KIR3DL3: variants seen among roughly 807,000 people sequenced by gnomAD.
KIR3DL3 encodes killer cell immunoglobulin like receptor, three Ig domains and long cytoplasmic tail 3, also known as killer cell immunoglobulin-like receptor 3DL3.
In KIR3DL3, 27 loss-of-function variants were observed where a neutral mutation model predicts 34.9. The observed-to-expected ratio is 0.77, with a 90% CI of 0.57 to 1.07. KIR3DL3 has a LOEUF of 1.07. KIR3DL3 is among the 50% of genes least tolerant of loss of function. The pLI is 0.00. For synonymous variants in KIR3DL3, 217 were observed against 200.2 expected (o/e 1.08, Z -0.71); for missense variants, 681 against 528.5 (o/e 1.29, Z -2.83).
chr19:54,732,266 T>TTTTGTTTGTTTG (rs2068897137), intron 5 of KIR3DL3, among the ~76,000 whole-genome samples: 1 of 150,982 alleles, frequency 6.6e-6, no homozygotes, highest in African/African-American at 2.4e-5. Flanking sequence ...TTCTTTTTTT[T>TTTTGTTTGTTTG]TTTGAGTAGA....
intron 3 of KIR3DL3, 138 bp downstream of exon 3, chr19:54,726,475 G>A (rs2068200494): frequency 8.7e-6 from 10 of 1,148,936 alleles, no homozygotes; most frequent in Non-Finnish European, 1.1e-5. Flanking sequence ...CAGAGAAATA[G>A]TTGCTGTGGT....
chr19:54,729,598 A>G lies in KIR3DL3; in HGVS notation c.761A>G (p.His254Arg), dbSNP rs1399099952. The part of the protein sequence containing the change: ...CSSRSLFDIY[H>R]LSREAEAGEL... ...TCCCGGAGCTTGTTTGACATTTACC[A>G]TCTATCCAGGGAGGCGGAGGCCGGT... The change falls in exon 5 of 8, where the codon CAT (histidine) becomes CGT (arginine). Residue 254 changes from histidine (H) to arginine (R), a missense_variant. Transcript: ENST00000291860. 1.2e-6 allele frequency: 2 copies of G among 1,605,604 alleles called. No individual in the cohort carries two copies. Among genetic ancestry groups the G allele is most frequent in the South Asian group, 1.1e-5 (1 of 90,546 alleles).
In KIR3DL3 at chr19:54,727,677, T is replaced by C; in HGVS notation, c.422T>C (p.Ile141Thr). Residue 141 changes from isoleucine to threonine, a missense_variant, in exon 4 of 8, where the codon ATC becomes ACC. Physicochemically the swap from Ile to Thr is moderately conservative, Grantham distance 89. Transcript: ENST00000291860. ...CTGGTGAAATCAGGAGAGACGGTCA[T>C]CCTGCAATGTTGGTCAGATGTCAGG... ...GPLVKSGETV[I>T]LQCWSDVRFE... 2.5e-6 allele frequency: 4 copies of C among 1,612,412 alleles called. No homozygotes were observed. In the South Asian group the frequency reaches 4.4e-5, roughly 18 times the overall value.
chr19:54,733,799 A>G (rs936410023), intron 5 of KIR3DL3, among the ~76,000 whole-genome samples: 8 of 152,080 alleles, frequency 5.3e-5, no homozygotes, highest in East Asian at 1.9e-4. Flanking sequence ...AAATCCCCCA[A>G]TTCATCTCTA....
chr19:54,730,348 G>C (rs1478333082), intron 5 of KIR3DL3, among the ~76,000 whole-genome samples: 5 of 149,588 alleles, frequency 3.3e-5, no homozygotes, highest in Middle Eastern at 6.8e-3. Context: ...GAGATCAGGG[G>C]CTCAAGACCA....
At position 54,735,794 on chromosome 19, in the gene KIR3DL3, G is replaced by A. The variant is rs1372915613; in HGVS notation, c.1055-26G>A. The A allele has an allele frequency of 1.4e-5, 22 of 1,607,402 alleles. No homozygotes were observed. The African/African-American group carries it at 2.3e-4, about 17-fold the overall frequency. ...AGGACCCAGAAGTGCCCTCCGAGCT[G>A]TTTTGACGACTTCCGTCTTCTACAG... is the stretch of plus-strand genomic sequence containing the variant. On this transcript the variant is annotated intron_variant, in intron 6 of 7. Transcript: ENST00000291860.
intron 5 of KIR3DL3, among the ~76,000 whole-genome samples, chr19:54,734,917 G>A (rs1408584319): frequency 7.1e-6 from 1 of 141,218 alleles, no homozygotes; most frequent in Non-Finnish European, 1.5e-5. Flanking sequence ...GGGGGAACTT[G>A]CTAACCCCGT....
At chr19:54,733,998 C>T (rs981081257) in intron 5 of KIR3DL3, among the ~76,000 whole-genome samples, 1 of 152,118 alleles carries the variant, frequency 6.6e-6, no homozygotes, top group Non-Finnish European at 1.5e-5. Flanking sequence ...CTTCCCCGTG[C>T]TTCTCGGGTG....
In KIR3DL3 at chr19:54,735,828, G is replaced by A; in HGVS notation, c.1063G>A (p.Val355Ile). Residue 355 changes from valine (V) to isoleucine (I), a missense_variant, in exon 7 of 8, where the codon GTA becomes ATA. Val to Ile is a conservative substitution (Grantham distance 29). Coordinates refer to ENST00000291860, the MANE Select transcript of KIR3DL3 (RefSeq NM_153443.5). ...RWCANKKNAV[V>I]MDQEPAGNRT... ...ACTTCCGTCTTCTACAGATGCTGTTGTAATGGACCAAGAGCCTGCAGGGAA... is the reference window on the plus strand; with the variant it reads ...ACTTCCGTCTTCTACAGATGCTGTTATAATGGACCAAGAGCCTGCAGGGAA... 6.2e-7 allele frequency: 1 copy of A among 1,608,206 alleles called. No individual in the cohort carries two copies. The highest frequency in any genetic ancestry group is 1.4e-5 in the African/African-American group (1 of 72,984).
At chr19:54,726,903 T>G (rs1035747489) in intron 3 of KIR3DL3, among the ~76,000 whole-genome samples, 1 of 126,066 alleles carries the variant, frequency 7.9e-6, no homozygotes, top group Non-Finnish European at 1.7e-5. Context: ...TCTCCAGAAG[T>G]GGAAGAGGTC....
At position 54,729,669 on chromosome 19, in the gene KIR3DL3, G is replaced by A; in HGVS notation, c.832G>A (p.Ala278Thr). 1.2e-6 allele frequency: 2 copies of A among 1,600,226 alleles called. No homozygotes were observed. Among genetic ancestry groups the A allele is most frequent in the Middle Eastern group, 1.7e-4 (1 of 6,048 alleles). The stretch of plus-strand genomic sequence containing the variant: ...GCTGAGGGTCAATGGAACATTCCAG[G>A]CCAACTTCCCTCTGGGCCCTGTGAC... The part of the protein sequence containing the change: ...AVLRVNGTFQ[A>T]NFPLGPVTHG... The change falls in exon 5 of 8, where the codon GCC (alanine) becomes ACC (threonine). Residue 278 changes from alanine to threonine, a missense_variant. Transcript: ENST00000291860.
rs757942332 is a variant in KIR3DL3, at chr19:54,735,801, C to G, written c.1055-19C>G. The G allele has an allele frequency of 6.2e-7, 1 of 1,605,960 alleles. No individual in the cohort carries two copies. The highest frequency in any genetic ancestry group is 1.4e-5 in the African/African-American group (1 of 72,508). ...AGAAGTGCCCTCCGAGCTGTTTTGA[C>G]GACTTCCGTCTTCTACAGATGCTGT... On this transcript the variant is annotated intron_variant, in intron 6 of 7. Coordinates refer to ENST00000291860, the MANE Select transcript of KIR3DL3 (RefSeq NM_153443.5).
chr19:54,735,357 AGT>A lies in KIR3DL3; in HGVS notation c.1054+1_1054+2del. On this transcript the variant is annotated splice_donor_variant, in intron 6 of 7. Transcript: ENST00000291860. LOFTEE classifies it high-confidence loss of function. ...TCATCGCTGGTGTGCCAACAAAAAG[AGT>A]AAGTCTCACGAAGCAGAAGCCAGAG... is the stretch of plus-strand genomic sequence containing the variant. The A allele has an allele frequency of 5.2e-6, 7 of 1,341,076 alleles. No homozygotes were observed. Among genetic ancestry groups the A allele is most frequent in the Non-Finnish European group, 7.5e-6 (7 of 935,900 alleles). The allele number at this position is 1,341,076 out of a possible 1,614,324, so 83.1% of individuals were successfully genotyped here.
intron 4 of KIR3DL3, 101 bp downstream of exon 4, chr19:54,728,011 T>G: frequency 8.2e-7 from 1 of 1,213,124 alleles, no homozygotes; most frequent in Non-Finnish European, 1.2e-6. Context: ...AGTGTGGGGT[T>G]CCTATGGAGA....
At chr19:54,732,046 G>T (rs2068851808) in intron 5 of KIR3DL3, among the ~76,000 whole-genome samples, 1 of 151,974 alleles carries the variant, frequency 6.6e-6, no homozygotes, top group Non-Finnish European at 1.5e-5. Flanking sequence ...GCTAAGACAG[G>T]GACATTTTGG....
intron 6 of KIR3DL3, 31 bp from the exon 7 acceptor site, chr19:54,735,789 G>A (rs374943770): frequency 7.5e-5 from 120 of 1,606,664 alleles, no homozygotes; most frequent in Non-Finnish European, 9.3e-5. Context: ...AGTGCCCTCC[G>A]AGCTGTTTTG....
chr19:54,732,148 T>A (rs1172475801), intron 5 of KIR3DL3, among the ~76,000 whole-genome samples: 2 of 152,150 alleles, frequency 1.3e-5, no homozygotes, highest in Non-Finnish European at 1.5e-5. Flanking sequence ...GATGGGTAAA[T>A]GCGAGGGCAG....
chr19:54,733,119 T>G (rs2069010022), intron 5 of KIR3DL3, among the ~76,000 whole-genome samples: 2 of 152,276 alleles, frequency 1.3e-5, no homozygotes, highest in Admixed American at 6.5e-5. Flanking sequence ...TTCCTAGTAG[T>G]TTAATCCTTG....
intron 5 of KIR3DL3, 68 bp downstream of exon 5, chr19:54,729,854 A>T: frequency 6.8e-7 from 1 of 1,469,638 alleles, no homozygotes; most frequent in Non-Finnish European, 9.2e-7. Flanking sequence ...CTTCCTGCTG[A>T]TGATGGAGAG....
Sources: gnomAD v4.1 joint callset for allele counts (sites outside exome capture counted in the v4.1 genomes callset) on GRCh38, gnomAD v4.1.1 for gene constraint, MANE v1.5 for transcripts, NCBI Gene and HGNC (gene_info 2026-07-23, HGNC 2026-07-21) for gene names.